APPL2: variants seen among roughly 807,000 people sequenced by gnomAD.
APPL2 encodes the protein adaptor protein, phosphotyrosine interacting with PH domain and leucine zipper 2.
A neutral mutation model predicts 92.7 loss-of-function variants in APPL2; 84 were observed. That is an observed-to-expected ratio of 0.91 (90% CI 0.76 to 1.09). The LOEUF (loss-of-function observed/expected upper bound fraction) is 1.09, where lower values mean the gene tolerates loss of function less well. Among genes scored for constraint, APPL2 ranks in the 50% least tolerant of loss-of-function variants. APPL2 has a pLI of 0.00. For synonymous variants in APPL2, 291 were observed against 291.0 expected (o/e 1.00, Z 0.00); for missense variants, 736 against 824.5 (o/e 0.89, Z 1.31).
At chr12:105,212,927 A>C (rs1185271128) in intron 4 of APPL2, among the ~76,000 whole-genome samples, 1 of 152,250 alleles carries the variant, frequency 6.6e-6, no homozygotes, top group Non-Finnish European at 1.5e-5. Context: ...ACCAAGTCAA[A>C]GCATGGCAGC....
chr12:105,204,481 A>G (rs1476523604), intron 8 of APPL2, among the ~76,000 whole-genome samples: 1 of 152,164 alleles, frequency 6.6e-6, no homozygotes, highest in African/African-American at 2.4e-5. Flanking sequence ...TAATGTGCTT[A>G]GTTATCACAG....
chr12:105,220,552 T>C (rs1018588807), intron 2 of APPL2, among the ~76,000 whole-genome samples: 6 of 152,172 alleles, frequency 3.9e-5, no homozygotes, highest in African/African-American at 1.4e-4. Flanking sequence ...TTCTAATTCA[T>C]TCTTTTCTTT....
At chr12:105,177,301 A>C (rs539224250) in intron 17 of APPL2, 39 bp from the exon 18 acceptor site, 3 of 1,571,386 alleles carry the variant, frequency 1.9e-6, no homozygotes, top group South Asian at 2.2e-5. Flanking sequence ...CAAATGTTGG[A>C]TAAATTTAAT....
In APPL2 at chr12:105,208,203, A is replaced by G; in HGVS notation, c.374-4T>C. The G allele has an allele frequency of 6.2e-7, 1 of 1,614,184 alleles. No homozygotes were observed. Among genetic ancestry groups the G allele is most frequent in the South Asian group, 1.1e-5 (1 of 91,088 alleles). On this transcript the variant is annotated splice_polypyrimidine_tract_variant and splice_region_variant and intron_variant, in intron 5 of 20. Transcript: ENST00000258530. ...AGATCCTTTAAAGTGCTTACTTCTG[A>G]AAAGGAGAAAAGGGACCGTCTTAGA... is the stretch of plus-strand genomic sequence containing the variant.
chr12:105,231,478 T>G (rs1278270827), intron 1 of APPL2, among the ~76,000 whole-genome samples: 1 of 152,176 alleles, frequency 6.6e-6, no homozygotes, highest in Non-Finnish European at 1.5e-5. Flanking sequence ...TTAACTTCAT[T>G]TTACTGATGA....
chr12:105,199,441 G>C lies in APPL2; in HGVS notation c.795C>G (p.Asp265Glu). Reference sequence around the variant, plus strand: ...TGATCTGTGGTGCGGCCACATCAGAGTCTGGAGTGTAAACAGATTCATCAA... The same window carrying C: ...TGATCTGTGGTGCGGCCACATCAGACTCTGGAGTGTAAACAGATTCATCAA... ...LSVDESVYTP[D>E]SDVAAPQINR... The change falls in exon 10 of 21, where the codon GAC becomes GAG. Residue 265 changes from aspartate to glutamate, a missense_variant. By Grantham distance (45) the Asp-to-Glu change is conservative (BLOSUM62 2). Coordinates refer to ENST00000258530, the MANE Select transcript of APPL2 (RefSeq NM_018171.5). 1 of 1,614,184 alleles carries C rather than the reference G, an allele frequency of 6.2e-7. No homozygotes were observed. Among genetic ancestry groups the C allele is most frequent in the Non-Finnish European group, 8.5e-7 (1 of 1,180,038 alleles).
At chr12:105,233,253 T>A (rs1196780) in intron 1 of APPL2, 188,635 of 985,354 alleles carry the variant, frequency 0.19, 18,560 homozygotes, top group Non-Finnish European at 0.2. Context: ...CTTATTTATC[T>A]TCACATTCCC....
chr12:105,205,598 C>T (rs983047062), intron 8 of APPL2, among the ~76,000 whole-genome samples: 1 of 152,238 alleles, frequency 6.6e-6, no homozygotes, highest in East Asian at 1.9e-4. Context: ...AGTTCTACAG[C>T]ACTGACCGAT....
intron 20 of APPL2, among the ~76,000 whole-genome samples, chr12:105,175,356 C>G (rs1885423244): frequency 6.6e-6 from 1 of 152,210 alleles, no homozygotes. Context: ...TTTCTGACCT[C>G]TCCAAGACTG....
chr12:105,230,705 G>T (rs985364999), intron 1 of APPL2, among the ~76,000 whole-genome samples: 1 of 152,182 alleles, frequency 6.6e-6, no homozygotes, highest in Non-Finnish European at 1.5e-5. Context: ...CACCACACAT[G>T]CTCTACCCAG....
chr12:105,179,906 C>T (rs543283115), intron 17 of APPL2, among the ~76,000 whole-genome samples: 43 of 152,322 alleles, frequency 2.8e-4, no homozygotes, highest in Non-Finnish European at 5.1e-4. Context: ...AAAAAATTTT[C>T]TCCCATTCTG....
chr12:105,188,154 G>A (rs1010351647), intron 17 of APPL2, 119 bp downstream of exon 17: 2 of 1,149,686 alleles, frequency 1.7e-6, no homozygotes, highest in African/African-American at 3.1e-5. Context: ...AAAAAGTAGT[G>A]GGGGCAAAAG....
chr12:105,221,467 C>G (rs1395094438), intron 2 of APPL2, among the ~76,000 whole-genome samples: 1 of 152,166 alleles, frequency 6.6e-6, no homozygotes, highest in Non-Finnish European at 1.5e-5. Context: ...CAACTTAATG[C>G]AGGACTCGAA....
At position 105,201,504 on chromosome 12, in the gene APPL2, C is replaced by T. The variant is rs991508827; in HGVS notation, c.705-1973G>A. Among the ~76,000 whole-genome samples, 5 of 151,966 alleles carry T rather than the reference C, an allele frequency of 3.3e-5. No individual in the cohort carries two copies. In the East Asian group the frequency reaches 5.8e-4, roughly 18 times the overall value. On this transcript the variant is annotated intron_variant, in intron 9 of 20. Transcript: ENST00000258530. Reference sequence around the variant, plus strand: ...GTGATACAAGAGAAGGATCCTGTCCCCAGAAAGACACGGGCACCAACGTGG... The same window carrying T: ...GTGATACAAGAGAAGGATCCTGTCCTCAGAAAGACACGGGCACCAACGTGG...
intron 2 of APPL2, among the ~76,000 whole-genome samples, chr12:105,227,183 G>A (rs546026865): frequency 1.1e-4 from 17 of 151,882 alleles, no homozygotes; most frequent in Non-Finnish European, 1.5e-5. Flanking sequence ...AAAATTTTGT[G>A]TAGATACAGG....
chr12:105,203,493 CAA>C (rs1566075713), intron 9 of APPL2: 1 of 541,296 alleles, frequency 1.8e-6, no homozygotes, highest in African/African-American at 1.9e-5. Flanking sequence ...ATATTCACAA[CAA>C]GAGATCTGGA....
intron 8 of APPL2, among the ~76,000 whole-genome samples, chr12:105,205,431 G>A (rs1344488189): frequency 2.0e-5 from 3 of 152,118 alleles, no homozygotes; most frequent in African/African-American, 4.8e-5. Context: ...TGTGTGCTAC[G>A]GTACCCACAG....
intron 3 of APPL2, 134 bp from the exon 4 acceptor site, chr12:105,217,274 AC>A: frequency 1.6e-6 from 1 of 615,134 alleles, no homozygotes; most frequent in South Asian, 2.2e-5. Context: ...AGAAGTGTCT[AC>A]CTGAAGAGGG....
At chr12:105,231,701 C>T (rs568274111) in intron 1 of APPL2, among the ~76,000 whole-genome samples, 36 of 152,318 alleles carry the variant, frequency 2.4e-4, no homozygotes, top group African/African-American at 7.7e-4. Context: ...TTCCCGCCCA[C>T]AATACCTGCC....
Sources: allele counts gnomAD v4.1 joint callset (sites outside exome capture counted in the v4.1 genomes callset), GRCh38; gene constraint gnomAD v4.1.1; transcripts MANE v1.5; gene names NCBI Gene and HGNC (gene_info 2026-07-23, HGNC 2026-07-21).